PTPRD: variants seen among roughly 807,000 people sequenced by gnomAD.
The protein encoded by PTPRD is receptor-type tyrosine-protein phosphatase delta.
A neutral mutation model predicts 214.5 loss-of-function variants in PTPRD; 34 were observed. That is an observed-to-expected ratio of 0.16 (90% confidence interval 0.12 to 0.21). The LOEUF (loss-of-function observed/expected upper bound fraction) is 0.21. Ranked by LOEUF, PTPRD falls within the 10% of genes least tolerant of loss-of-function variation. PTPRD has a pLI of 1.00. For missense variants in PTPRD, 2,545 were observed against 2,398.7 expected (o/e 1.06, Z -1.27); for synonymous variants, 1,128 against 845.7 (o/e 1.33, Z -5.79).
intron 3 of PTPRD, among the ~76,000 whole-genome samples, chr9:10,047,312 C>CCG (rs1316571345): frequency 7.2e-5 from 10 of 138,812 alleles, no homozygotes; most frequent in Non-Finnish European, 1.1e-4. Flanking sequence ...AATCAACTAA[C>CCG]TGTGTGTGTG....
chr9:10,271,596 G>A (rs1190519125), intron 3 of PTPRD, among the ~76,000 whole-genome samples: 2 of 145,942 alleles, frequency 1.4e-5, no homozygotes, highest in African/African-American at 2.5e-5. Flanking sequence ...AGACCAGAGT[G>A]CGGTGGAATA....
At chr9:9,471,084 T>C (rs1196644042) in intron 8 of PTPRD, among the ~76,000 whole-genome samples, 1 of 152,224 alleles carries the variant, frequency 6.6e-6, no homozygotes, top group African/African-American at 2.4e-5. Flanking sequence ...CTGTAAAATG[T>C]AAAGCATTAA....
chr9:8,934,278 C>T (rs778522077), intron 11 of PTPRD, among the ~76,000 whole-genome samples: 2 of 149,544 alleles, frequency 1.3e-5, no homozygotes, highest in South Asian at 4.2e-4. Flanking sequence ...GGCCCATCCT[C>T]CTAAATTCAG....
chr9:9,748,136 C>G lies in PTPRD; in HGVS notation c.-325-13565G>C, dbSNP rs144366866. 4.2e-3 allele frequency among the ~76,000 whole-genome samples: 634 copies of G among 152,288 alleles called. 3 individuals are homozygous for G. Among genetic ancestry groups the G allele is most frequent in the African/African-American group, 0.014 (595 of 41,556 alleles). On this transcript the variant is annotated intron_variant, in intron 6 of 45. Coordinates refer to ENST00000381196, the MANE Select transcript of PTPRD (RefSeq NM_002839.4). ...CATTCATCAGTGAATCACTGGTTCACTGCTGTAAAATAGTGGGTTGCTGTG... is the reference window on the plus strand; with the variant it reads ...CATTCATCAGTGAATCACTGGTTCAGTGCTGTAAAATAGTGGGTTGCTGTG...
chr9:9,175,584 C>A (rs1215023482), intron 10 of PTPRD, among the ~76,000 whole-genome samples: 1 of 139,046 alleles, frequency 7.2e-6, no homozygotes, highest in Non-Finnish European at 1.5e-5. Flanking sequence ...GATTGCGCTG[C>A]TGCACTCCAG....
intron 11 of PTPRD, among the ~76,000 whole-genome samples, chr9:8,807,335 TCAA>T (rs896007052): frequency 4.6e-5 from 7 of 151,930 alleles, no homozygotes; most frequent in South Asian, 2.1e-4. Context: ...AGACTCCATC[TCAA>T]CAACAACAAC....
intron 8 of PTPRD, among the ~76,000 whole-genome samples, chr9:9,482,826 G>T (rs929286081): frequency 6.6e-6 from 1 of 152,162 alleles, no homozygotes; most frequent in East Asian, 1.9e-4. Flanking sequence ...TTTTACTGAA[G>T]GATTTAAATA....
At chr9:9,990,801 A>G (rs1478709317) in intron 4 of PTPRD, among the ~76,000 whole-genome samples, 1 of 152,210 alleles carries the variant, frequency 6.6e-6, no homozygotes, top group Non-Finnish European at 1.5e-5. Context: ...CCCTAAATAC[A>G]TTAGAGAGGA....
chr9:8,554,908 C>T (rs994513022), intron 14 of PTPRD, among the ~76,000 whole-genome samples: 1 of 152,006 alleles, frequency 6.6e-6, no homozygotes, highest in Non-Finnish European at 1.5e-5. Context: ...GATCAGAGTC[C>T]ATCAAGTTGA....
At chr9:10,332,203 G>A (rs1327800760) in intron 3 of PTPRD, among the ~76,000 whole-genome samples, 1 of 151,776 alleles carries the variant, frequency 6.6e-6, no homozygotes, top group Admixed American at 6.6e-5. Context: ...AATGTCTTAG[G>A]AGAAAGAAAC....
chr9:10,526,028 T>G (rs1186902418), intron 2 of PTPRD, among the ~76,000 whole-genome samples: 1 of 152,172 alleles, frequency 6.6e-6, no homozygotes, highest in African/African-American at 2.4e-5. Context: ...ACATTTCAAT[T>G]TACTCAGTAG....
At chr9:9,800,323 G>A (rs1205634253) in intron 5 of PTPRD, among the ~76,000 whole-genome samples, 1 of 152,032 alleles carries the variant, frequency 6.6e-6, no homozygotes, top group East Asian at 1.9e-4. Context: ...GACAGAGCAA[G>A]ATCTTGTCTC....
At chr9:8,353,065 C>G (rs2075956574) in intron 39 of PTPRD, among the ~76,000 whole-genome samples, 1 of 151,058 alleles carries the variant, frequency 6.6e-6, no homozygotes, top group African/African-American at 2.4e-5. Flanking sequence ...GAGCCGAGAT[C>G]ACACCACTGC....
At chr9:9,485,073 C>T (rs2095571936) in intron 8 of PTPRD, among the ~76,000 whole-genome samples, 1 of 152,168 alleles carries the variant, frequency 6.6e-6, no homozygotes, top group African/African-American at 2.4e-5. Flanking sequence ...CCATTTGCCT[C>T]TTGCAGTTTT....
chr9:10,523,316 CT>C (rs2053009457), intron 2 of PTPRD, among the ~76,000 whole-genome samples: 1 of 151,798 alleles, frequency 6.6e-6, no homozygotes, highest in Non-Finnish European at 1.5e-5. Context: ...TGTTGCCTGC[CT>C]GGATTCTCTA....
chr9:8,479,378 G>A (rs574539902), intron 30 of PTPRD, among the ~76,000 whole-genome samples: 58 of 152,148 alleles, frequency 3.8e-4, no homozygotes, highest in Non-Finnish European at 7.5e-4. Flanking sequence ...ATATTTCTGA[G>A]AATCTTTTAT....
intron 3 of PTPRD, among the ~76,000 whole-genome samples, chr9:10,201,692 G>T (rs959845453): frequency 1.3e-5 from 2 of 151,924 alleles, no homozygotes; most frequent in Admixed American, 1.3e-4. Context: ...GCAAGGTGCT[G>T]GATATGTTAA....
intron 14 of PTPRD, among the ~76,000 whole-genome samples, chr9:8,564,098 G>A (rs1464006019): frequency 6.6e-6 from 1 of 152,224 alleles, no homozygotes; most frequent in Admixed American, 6.5e-5. Flanking sequence ...ATGCTGGACA[G>A]CAGATCCAAG....
chr9:9,165,099 A>T (rs959745131), intron 10 of PTPRD, among the ~76,000 whole-genome samples: 6 of 151,812 alleles, frequency 4.0e-5, no homozygotes, highest in South Asian at 2.1e-4. Flanking sequence ...GTTTCTTTTT[A>T]AAAAAATTCA....
Sources: allele counts gnomAD v4.1 joint callset (sites outside exome capture counted in the v4.1 genomes callset), GRCh38; gene constraint gnomAD v4.1.1; transcripts MANE v1.5; gene names NCBI Gene and HGNC (gene_info 2026-07-23, HGNC 2026-07-21).